The following NAALADL2 variants were observed in gnomAD, a reference collection of about 807,000 sequenced individuals.
The protein encoded by NAALADL2 is N-acetylated alpha-linked acidic dipeptidase like 2, also known as inactive N-acetylated-alpha-linked acidic dipeptidase-like protein 2.
In NAALADL2, 76 loss-of-function variants were observed where a neutral mutation model predicts 87.2. The ratio of observed to expected loss-of-function variants is 0.87; its 90% CI spans 0.72 to 1.05. The LOEUF (loss-of-function observed/expected upper bound fraction) is 1.05, where lower values mean the gene tolerates loss of function less well. Among genes scored for constraint, NAALADL2 ranks in the 50% least tolerant of loss-of-function variants. NAALADL2 has a pLI of 0.00. For synonymous variants in NAALADL2, 354 were observed against 331.0 expected (o/e 1.07, Z -0.75); for missense variants, 1,089 against 945.8 (o/e 1.15, Z -1.99).
intron 5 of NAALADL2, among the ~76,000 whole-genome samples, chr3:175,439,195 GT>G (rs1719270173): frequency 6.6e-6 from 1 of 152,014 alleles, no homozygotes; most frequent in Admixed American, 6.6e-5. Context: ...TCCTTTCATT[GT>G]TGAGTAGTAT....
intron 3 of NAALADL2, among the ~76,000 whole-genome samples, chr3:174,842,544 G>T (rs1724144902): frequency 6.6e-6 from 1 of 152,210 alleles, no homozygotes; most frequent in East Asian, 1.9e-4. Context: ...GATTTCATGG[G>T]AATCTCATAA....
At chr3:175,632,752 T>C (rs1727972449) in intron 11 of NAALADL2, among the ~76,000 whole-genome samples, 1 of 152,250 alleles carries the variant, frequency 6.6e-6, no homozygotes, top group African/African-American at 2.4e-5. Context: ...TATGGAGTTC[T>C]GTAGTGCTAT....
chr3:175,304,023 A>C (rs1213751936), intron 4 of NAALADL2, among the ~76,000 whole-genome samples: 1 of 147,588 alleles, frequency 6.8e-6, no homozygotes, highest in Non-Finnish European at 1.5e-5. Flanking sequence ...TTTTTTTTTT[A>C]CATATGAAAA....
At chr3:175,498,157 A>G (rs753642620) in intron 9 of NAALADL2, among the ~76,000 whole-genome samples, 17 of 152,178 alleles carry the variant, frequency 1.1e-4, no homozygotes, top group Non-Finnish European at 2.2e-4. Context: ...GGAGAAAAGA[A>G]CAGAGAATAA....
At chr3:175,489,750 C>CGCAGTCTTCT (rs1727784654) in intron 9 of NAALADL2, among the ~76,000 whole-genome samples, 1 of 152,098 alleles carries the variant, frequency 6.6e-6, no homozygotes, top group Non-Finnish European at 1.5e-5. Flanking sequence ...AGATGGGATA[C>CGCAGTCTTCT]ACAGTCTTCT....
At chr3:174,835,808 A>T (rs1723267632) in intron 3 of NAALADL2, among the ~76,000 whole-genome samples, 1 of 152,200 alleles carries the variant, frequency 6.6e-6, no homozygotes, top group Non-Finnish European at 1.5e-5. Flanking sequence ...ACGAGGTATT[A>T]TTCATACCCA....
At chr3:174,443,128 T>G (rs1714788009) in intron 1 of NAALADL2, among the ~76,000 whole-genome samples, 1 of 152,200 alleles carries the variant, frequency 6.6e-6, no homozygotes, top group Non-Finnish European at 1.5e-5. Context: ...CATTGGAGCC[T>G]TTTGACAAGA....
chr3:175,508,281 GAC>G (rs1560674772), intron 9 of NAALADL2, among the ~76,000 whole-genome samples: 1 of 152,150 alleles, frequency 6.6e-6, no homozygotes, highest in Non-Finnish European at 1.5e-5. Flanking sequence ...ATTTGGTGGG[GAC>G]ACACATTCCA....
At chr3:175,500,786 G>A (rs1729434381) in intron 9 of NAALADL2, among the ~76,000 whole-genome samples, 1 of 152,048 alleles carries the variant, frequency 6.6e-6, no homozygotes, top group Admixed American at 6.6e-5. Context: ...GCTAAAAAGT[G>A]GCAGATCCCA....
chr3:174,784,377 A>G (rs1208205594), intron 3 of NAALADL2, among the ~76,000 whole-genome samples: 5 of 152,146 alleles, frequency 3.3e-5, no homozygotes, highest in African/African-American at 1.2e-4. Flanking sequence ...CAGCTCAGCT[A>G]TTTGTTGAAG....
chr3:174,643,023 C>T (rs1291205497), intron 2 of NAALADL2, among the ~76,000 whole-genome samples: 2 of 152,034 alleles, frequency 1.3e-5, no homozygotes, highest in Non-Finnish European at 2.9e-5. Flanking sequence ...TTCAAGCAAT[C>T]CTCCTACCTC....
chr3:175,018,048 C>T (rs1343922570), intron 1 of NAALADL2, among the ~76,000 whole-genome samples: 2 of 152,136 alleles, frequency 1.3e-5, no homozygotes, highest in African/African-American at 2.4e-5. Context: ...CCAGCACAGC[C>T]ATGCCACCTT....
At chr3:175,789,873 G>A (rs982536028) in intron 13 of NAALADL2, among the ~76,000 whole-genome samples, 2 of 151,998 alleles carry the variant, frequency 1.3e-5, no homozygotes, top group Admixed American at 6.6e-5. Flanking sequence ...GAAACTCAAA[G>A]TTATTAATAA....
At chr3:174,614,939 A>C (rs181206238) in intron 2 of NAALADL2, among the ~76,000 whole-genome samples, 2 of 152,316 alleles carry the variant, frequency 1.3e-5, no homozygotes, top group East Asian at 3.9e-4. Flanking sequence ...CTCCAGTATG[A>C]AGTTCGTTAA....
intron 9 of NAALADL2, among the ~76,000 whole-genome samples, chr3:175,531,678 G>A (rs1025141281): frequency 6.6e-6 from 1 of 152,230 alleles, no homozygotes; most frequent in South Asian, 2.1e-4. Context: ...GGACAGGAAT[G>A]GAGAAAAAGG....
At chr3:174,602,980 T>A (rs1049060899) in intron 2 of NAALADL2, among the ~76,000 whole-genome samples, 3 of 151,896 alleles carry the variant, frequency 2.0e-5, no homozygotes, top group African/African-American at 7.2e-5. Context: ...TAATCCCACT[T>A]GGTAATGATG....
At chr3:175,099,088 A>G (rs1721682429) in intron 2 of NAALADL2, among the ~76,000 whole-genome samples, 2 of 152,062 alleles carry the variant, frequency 1.3e-5, no homozygotes, top group African/African-American at 2.4e-5. Flanking sequence ...CCCTCCTTAT[A>G]TAACTTTGGC....
intron 4 of NAALADL2, among the ~76,000 whole-genome samples, chr3:175,303,394 G>A (rs1241547548): frequency 6.6e-6 from 1 of 152,012 alleles, no homozygotes; most frequent in Non-Finnish European, 1.5e-5. Flanking sequence ...TAAGACTACT[G>A]AAACTAGTAG....
chr3:174,630,477 T>C (rs1314495485), intron 2 of NAALADL2, among the ~76,000 whole-genome samples: 1 of 152,166 alleles, frequency 6.6e-6, no homozygotes, highest in Non-Finnish European at 1.5e-5. Context: ...TCCTTACTTT[T>C]CCTGGTATTT....
Sources: gnomAD v4.1 joint callset for allele counts (sites outside exome capture counted in the v4.1 genomes callset) on GRCh38, gnomAD v4.1.1 for gene constraint, MANE v1.5 for transcripts, NCBI Gene and HGNC (gene_info 2026-07-23, HGNC 2026-07-21) for gene names.